The following ANO10 variants were observed in gnomAD, a reference collection of about 807,000 sequenced individuals.
The protein encoded by ANO10 is anoctamin-10.
Under a neutral mutation model 74.7 loss-of-function variants are expected in ANO10, and 77 were observed. That is an observed-to-expected ratio of 1.03 (90% CI 0.86 to 1.25). ANO10 has a LOEUF of 1.25. Among genes scored for constraint, ANO10 ranks in the 50% most tolerant of loss-of-function variants. The pLI, the probability that ANO10 is intolerant of heterozygous loss-of-function variation, is 0.00. For missense variants in ANO10, 721 were observed against 778.1 expected (o/e 0.93, Z 0.87); for synonymous variants, 279 against 284.9 (o/e 0.98, Z 0.21).
Position 43,621,946 on chromosome 3 carries a change from C to G in ANO10, c.-49G>C, listed in dbSNP as rs2083419036. ...CGCTCCACGTCTTCGGAGGCGGGTC[C>G]GAGAGCCGGCGAGAACCGGAGGCCG... On this transcript the variant is annotated 5_prime_UTR_variant, in exon 1 of 13. Transcript: ENST00000292246. The G allele has an allele frequency of 6.6e-6, 1 of 152,500 alleles. No homozygotes were observed. The highest frequency in any genetic ancestry group is 1.5e-5 in the Non-Finnish European group (1 of 68,296). The allele number at this position is 152,500 out of a possible 1,614,324, so 9.4% of individuals were successfully genotyped here. A position where few individuals can be genotyped will look rare whatever the true frequency, so the allele number is the denominator to read the frequency against.
In ANO10 at chr3:43,396,723, CA is replaced by C. The variant is rs944968494; in HGVS notation, c.1915-29750del. Among the ~76,000 whole-genome samples, 76 of 152,074 alleles carry C rather than the reference CA, an allele frequency of 5.0e-4. 1 individual carries two copies. Among genetic ancestry groups the C allele is most frequent in the African/African-American group, 1.6e-3 (68 of 41,486 alleles). On this transcript the variant is annotated intron_variant, in intron 12 of 12. Coordinates refer to ENST00000292246, the MANE Select transcript of ANO10 (RefSeq NM_018075.5). ...TCGTCCAAGCTGGAATACAGGAGTG[CA>C]ATCATAGCTCACTGTAGCTCACATA...
At chr3:43,383,263 C>G (rs931014280) in intron 12 of ANO10, among the ~76,000 whole-genome samples, 4 of 152,030 alleles carry the variant, frequency 2.6e-5, no homozygotes, top group African/African-American at 9.7e-5. Flanking sequence ...ACCATCCTGG[C>G]TAACATGGTG....
At chr3:43,566,336 A>C (rs1232296299) in intron 7 of ANO10, among the ~76,000 whole-genome samples, 1 of 152,264 alleles carries the variant, frequency 6.6e-6, no homozygotes, top group African/African-American at 2.4e-5. Context: ...AGCCCACCAC[A>C]GCTGAAGGAG....
intron 1 of ANO10, among the ~76,000 whole-genome samples, chr3:43,614,532 A>G (rs987504526): frequency 1.3e-5 from 2 of 152,016 alleles, no homozygotes; most frequent in Non-Finnish European, 2.9e-5. Flanking sequence ...AATGCAAAGT[A>G]ACAATAAGAT....
At chr3:43,496,484 A>C (rs1426478811) in intron 11 of ANO10, among the ~76,000 whole-genome samples, 2 of 151,928 alleles carry the variant, frequency 1.3e-5, no homozygotes, top group Non-Finnish European at 1.5e-5. Flanking sequence ...CCCAGGCTTG[A>C]GCACAGTGGC....
intron 12 of ANO10, among the ~76,000 whole-genome samples, chr3:43,368,406 G>C (rs1292435905): frequency 6.6e-6 from 1 of 152,152 alleles, no homozygotes; most frequent in East Asian, 1.9e-4. Context: ...ACCCACCACT[G>C]CAAGATTTCT....
At chr3:43,530,882 GTGTGTGTGTA>G (rs1405078264) in intron 11 of ANO10, among the ~76,000 whole-genome samples, 1 of 152,168 alleles carries the variant, frequency 6.6e-6, no homozygotes, top group Non-Finnish European at 1.5e-5. Context: ...TAATGTGTGT[GTGTGTGTGTA>G]TGTGTGTGTG....
At position 43,621,998 on chromosome 3, in the gene ANO10, C is replaced by A. The variant is rs1003718435; in HGVS notation, c.-101G>T. 26 of 152,260 alleles carry A rather than the reference C, an allele frequency of 1.7e-4. No homozygotes were observed. The highest frequency in any genetic ancestry group is 1.3e-3 in the Admixed American group (20 of 15,268). 9.4% of individuals were successfully genotyped at this position (152,260 alleles called of 1,614,324 possible). A position where few individuals can be genotyped will look rare whatever the true frequency, so the allele number is the denominator to read the frequency against. On this transcript the variant is annotated 5_prime_UTR_variant, in exon 1 of 13. Coordinates refer to ENST00000292246, the MANE Select transcript of ANO10 (RefSeq NM_018075.5). The stretch of plus-strand genomic sequence containing the variant: ...GCGAAAGAGTGCTCGGTGCGGGGGG[C>A]GGGCCAGGCCAGTGGGGCGGGCGCC...
At chr3:43,404,697 C>T (rs2092543329) in intron 12 of ANO10, among the ~76,000 whole-genome samples, 1 of 151,664 alleles carries the variant, frequency 6.6e-6, no homozygotes, top group Non-Finnish European at 1.5e-5. Context: ...GTCTAGGCAA[C>T]ATAAAGAGAC....
In ANO10 at chr3:43,574,871, C is replaced by T. The variant is rs192085021; in HGVS notation, c.1163-7G>A. 2.0e-5 allele frequency: 33 copies of T among 1,612,868 alleles called. No homozygotes were observed. In the African/African-American group the frequency reaches 3.9e-4, roughly 19 times the overall value. On this transcript the variant is annotated splice_region_variant and splice_polypyrimidine_tract_variant and intron_variant, in intron 6 of 12. Transcript: ENST00000292246. ...GATTCCAATCTGTGATTCTCTAAAA[C>T]ATTAAAACACACAGGTAACTTCTCA...
chr3:43,452,588 C>G (rs980631667), intron 11 of ANO10, among the ~76,000 whole-genome samples: 2 of 152,146 alleles, frequency 1.3e-5, no homozygotes, highest in Non-Finnish European at 2.9e-5. Flanking sequence ...AGTTGGTGGA[C>G]ATTTGGGTTG....
In ANO10 at chr3:43,483,946, T is replaced by C. The variant is rs1037097199; in HGVS notation, c.1798-51219A>G. Among the ~76,000 whole-genome samples the C allele has an allele frequency of 3.3e-5, 5 of 152,332 alleles. No individual in the cohort carries two copies. In the South Asian group the frequency reaches 1.0e-3, roughly 32 times the overall value. ...CTGTGGACACCAAGGCTCTTTACTA[T>C]TATTATTTGATACAGGGTCTCATTC... On this transcript the variant is annotated intron_variant, in intron 11 of 12. Coordinates refer to ENST00000292246, the MANE Select transcript of ANO10 (RefSeq NM_018075.5).
At chr3:43,528,365 C>G (rs886318234) in intron 11 of ANO10, among the ~76,000 whole-genome samples, 1 of 151,588 alleles carries the variant, frequency 6.6e-6, no homozygotes, top group South Asian at 2.1e-4. Context: ...ACTCAATAAT[C>G]AAACCTGAAT....
At chr3:43,453,254 C>CTT (rs1225710757) in intron 11 of ANO10, among the ~76,000 whole-genome samples, 1 of 149,228 alleles carries the variant, frequency 6.7e-6, no homozygotes, top group Admixed American at 6.7e-5. Flanking sequence ...TCTTGGCTCA[C>CTT]TTGCAAGCTC....
intron 12 of ANO10, among the ~76,000 whole-genome samples, chr3:43,400,002 C>T (rs2092450648): frequency 6.6e-6 from 1 of 152,138 alleles, no homozygotes; most frequent in Non-Finnish European, 1.5e-5. Flanking sequence ...AGGGAGTGCT[C>T]TCATCTCCCA....
At chr3:43,527,644 T>A (rs1053245024) in intron 11 of ANO10, among the ~76,000 whole-genome samples, 1 of 152,094 alleles carries the variant, frequency 6.6e-6, no homozygotes, top group African/African-American at 2.4e-5. Context: ...GAACTTCGTG[T>A]TACATGAAAA....
intron 1 of ANO10, among the ~76,000 whole-genome samples, chr3:43,630,635 C>G (rs1027386184): frequency 2.6e-5 from 4 of 152,186 alleles, no homozygotes; most frequent in African/African-American, 7.2e-5. Context: ...GTTGTTACCT[C>G]TGCCTGGAAT....
chr3:43,676,178 G>A (rs1309405133), intron 1 of ANO10, among the ~76,000 whole-genome samples: 1 of 152,110 alleles, frequency 6.6e-6, no homozygotes, highest in Non-Finnish European at 1.5e-5. Flanking sequence ...GTTAAATATA[G>A]GCCAAGTATG....
chr3:43,484,998 TG>T, intron 11 of ANO10: 1 of 1,455,990 alleles, frequency 6.9e-7, no homozygotes, highest in Non-Finnish European at 9.3e-7. Context: ...GGCCTCTTGG[TG>T]GTGAGGCGTG....
Sources: gnomAD v4.1 joint callset for allele counts (sites outside exome capture counted in the v4.1 genomes callset) on GRCh38, gnomAD v4.1.1 for gene constraint, MANE v1.5 for transcripts, NCBI Gene and HGNC (gene_info 2026-07-23, HGNC 2026-07-21) for gene names.